The following MEI4 variants were observed in gnomAD, a reference collection of about 807,000 sequenced individuals.
MEI4 encodes meiosis-specific protein MEI4.
A neutral mutation model predicts 31.4 loss-of-function variants in MEI4; 27 were observed. The ratio of observed to expected loss-of-function variants is 0.86; its 90% CI spans 0.63 to 1.19. The LOEUF (loss-of-function observed/expected upper bound fraction) is 1.19. Among genes scored for constraint, MEI4 ranks in the 50% most tolerant of loss-of-function variants. The pLI is 0.00. For synonymous variants in MEI4, 122 were observed against 145.4 expected (o/e 0.84, Z 1.16); for missense variants, 329 against 398.9 (o/e 0.82, Z 1.49).
intron 3 of MEI4, among the ~76,000 whole-genome samples, chr6:77,817,406 G>A (rs1206024310): frequency 6.6e-6 from 1 of 152,104 alleles, no homozygotes; most frequent in Admixed American, 6.6e-5. Flanking sequence ...TTGCCTGATA[G>A]TGAGTCTTAG....
chr6:77,759,520 T>C (rs1767998248), intron 2 of MEI4, among the ~76,000 whole-genome samples: 1 of 152,208 alleles, frequency 6.6e-6, no homozygotes, highest in Non-Finnish European at 1.5e-5. Flanking sequence ...GAACTTTTTA[T>C]AGTCTCTTCT....
chr6:77,760,255 T>A (rs896723533), intron 2 of MEI4, among the ~76,000 whole-genome samples: 1 of 150,920 alleles, frequency 6.6e-6, no homozygotes, highest in Non-Finnish European at 1.5e-5. Context: ...CACACATATA[T>A]GATATACATA....
chr6:77,665,510 GGA>G (rs1390643295), intron 1 of MEI4, among the ~76,000 whole-genome samples: 1 of 152,066 alleles, frequency 6.6e-6, no homozygotes, highest in Non-Finnish European at 1.5e-5. Flanking sequence ...ATAGAGACAA[GGA>G]GAGAAGGGAT....
chr6:77,753,351 C>T (rs1280909802), intron 2 of MEI4, among the ~76,000 whole-genome samples: 1 of 151,896 alleles, frequency 6.6e-6, no homozygotes, highest in Non-Finnish European at 1.5e-5. Flanking sequence ...ACAATCTATC[C>T]ATCTGACAAA....
Position 77,731,568 on chromosome 6 carries a change from T to G in MEI4, c.233-29562T>G, listed in dbSNP as rs1352339418. On this transcript the variant is annotated intron_variant, in intron 2 of 4. Coordinates refer to ENST00000684080, the MANE Select transcript of MEI4 (RefSeq NM_001322247.2). ...AGTAGGTTGTGAAAATTTTCTCCCA[T>G]TTTGTAGGTTGCCTGTTCACTCTGA... Among the ~76,000 whole-genome samples the G allele has an allele frequency of 4.6e-5, 7 of 151,570 alleles. No homozygotes were observed. The East Asian group carries it at 1.2e-3, about 25-fold the overall frequency.
At chr6:77,684,815 C>G (rs1769022461) in intron 1 of MEI4, among the ~76,000 whole-genome samples, 1 of 152,088 alleles carries the variant, frequency 6.6e-6, no homozygotes, top group East Asian at 1.9e-4. Flanking sequence ...ACAACACGTA[C>G]AGTGCAAATA....
At chr6:77,762,168 G>T (rs1471318952) in intron 3 of MEI4, among the ~76,000 whole-genome samples, 1 of 152,084 alleles carries the variant, frequency 6.6e-6, no homozygotes, top group African/African-American at 2.4e-5. Flanking sequence ...CCTTTCCCTT[G>T]TAAGTGATAA....
intron 2 of MEI4, among the ~76,000 whole-genome samples, chr6:77,733,384 A>G (rs1426012656): frequency 2.0e-5 from 3 of 151,836 alleles, no homozygotes; most frequent in Non-Finnish European, 4.4e-5. Context: ...GAATTTATCC[A>G]TTTCTTCTAG....
At chr6:77,677,063 T>G (rs2127647631) in intron 1 of MEI4, among the ~76,000 whole-genome samples, 1 of 152,330 alleles carries the variant, frequency 6.6e-6, no homozygotes, top group African/African-American at 2.4e-5. Flanking sequence ...GGGCTTATGG[T>G]TAAGATGTTT....
At chr6:77,664,072 G>T (rs1433310725) in intron 1 of MEI4, among the ~76,000 whole-genome samples, 1 of 152,242 alleles carries the variant, frequency 6.6e-6, no homozygotes, top group African/African-American at 2.4e-5. Flanking sequence ...TGCGATTCAG[G>T]CGTTTGGAAG....
At chr6:77,794,556 T>C (rs9359290) in intron 3 of MEI4, among the ~76,000 whole-genome samples, 83,494 of 151,992 alleles carry the variant, frequency 0.55, 25,104 homozygotes, top group African/African-American at 0.79. Flanking sequence ...AGTGAGACTC[T>C]GTCTCAAAAC....
chr6:77,926,978 G>T lies in MEI4; in HGVS notation c.*3632G>T, dbSNP rs1043722871. 5 of 151,768 alleles carry T rather than the reference G, an allele frequency of 3.3e-5. No homozygotes were observed. Among genetic ancestry groups the T allele is most frequent in the Non-Finnish European group, 7.4e-5 (5 of 67,872 alleles). The allele number at this position is 151,768 out of a possible 1,614,324, so 9.4% of individuals were successfully genotyped here. On this transcript the variant is annotated 3_prime_UTR_variant, in exon 5 of 5. Coordinates refer to ENST00000684080, the MANE Select transcript of MEI4 (RefSeq NM_001322247.2). ...GTTAATAAATATACTGGTCTTGTAA[G>T]AACTTTCTAAATATTACAGAGTATT...
chr6:77,770,772 C>T (rs1454246981), intron 3 of MEI4, among the ~76,000 whole-genome samples: 1 of 151,926 alleles, frequency 6.6e-6, no homozygotes, highest in Non-Finnish European at 1.5e-5. Flanking sequence ...TTCATTAAAT[C>T]AACTCAAGAC....
rs539392860 is a variant in MEI4 at position 77,800,321 on chromosome 6, C to G, written c.769-28610C>G. Among the ~76,000 whole-genome samples, 14 of 152,174 alleles carry G rather than the reference C, an allele frequency of 9.2e-5. No individual in the cohort carries two copies. The East Asian group carries it at 2.7e-3, about 29-fold the overall frequency. On this transcript the variant is annotated intron_variant, in intron 3 of 4. Transcript: ENST00000684080. The stretch of plus-strand genomic sequence containing the variant: ...TGTCTGTTCTTGGTGTATAAGAATG[C>G]TTGTGATTTTTGCACATTGATTTTG...
intron 2 of MEI4, among the ~76,000 whole-genome samples, chr6:77,710,022 TG>T (rs1311465335): frequency 2.6e-5 from 4 of 152,116 alleles, no homozygotes; most frequent in African/African-American, 9.7e-5. Context: ...AGAGATACAG[TG>T]GGGGCTGGAC....
chr6:77,842,025 A>T (rs927871295), intron 4 of MEI4, among the ~76,000 whole-genome samples: 5 of 152,136 alleles, frequency 3.3e-5, no homozygotes, highest in Admixed American at 6.6e-5. Flanking sequence ...AGTAATAATA[A>T]AATCAGGCAT....
intron 4 of MEI4, among the ~76,000 whole-genome samples, chr6:77,855,478 A>G (rs1456024158): frequency 6.6e-6 from 1 of 152,236 alleles, no homozygotes; most frequent in Admixed American, 6.5e-5. Context: ...GGTCTATCTT[A>G]CTCTAAACTC....
intron 3 of MEI4, among the ~76,000 whole-genome samples, chr6:77,763,520 C>T (rs771816399): frequency 3.9e-5 from 6 of 152,210 alleles, no homozygotes; most frequent in Non-Finnish European, 7.3e-5. Context: ...CATTCATTCA[C>T]TTGTTCTTCT....
At chr6:77,683,338 T>C (rs1197343367) in intron 1 of MEI4, among the ~76,000 whole-genome samples, 1 of 152,192 alleles carries the variant, frequency 6.6e-6, no homozygotes, top group Non-Finnish European at 1.5e-5. Flanking sequence ...TTTCAATATA[T>C]AGACATTGAG....
Sources: gnomAD v4.1 joint callset for allele counts (sites outside exome capture counted in the v4.1 genomes callset) on GRCh38, gnomAD v4.1.1 for gene constraint, MANE v1.5 for transcripts, NCBI Gene and HGNC (gene_info 2026-07-23, HGNC 2026-07-21) for gene names.